The following NXN variants were observed in gnomAD, a reference collection of about 807,000 sequenced individuals.
NXN encodes nucleoredoxin 1.
A neutral mutation model predicts 48.6 loss-of-function variants in NXN; 16 were observed. The observed-to-expected ratio is 0.33, with a 90% CI of 0.22 to 0.50. The LOEUF is 0.50. Among genes scored for constraint, NXN ranks in the 20% least tolerant of loss-of-function variants. The pLI is 0.98. For synonymous variants in NXN, 281 were observed against 269.6 expected, an observed-to-expected ratio of 1.04 and a Z score of -0.41; for missense variants, 492 against 605.5, an observed-to-expected ratio of 0.81 and a Z score of 1.97.
intron 1 of NXN, among the ~76,000 whole-genome samples, chr17:965,490 C>T (rs2069291106): frequency 6.6e-6 from 1 of 152,150 alleles, no homozygotes; most frequent in South Asian, 2.1e-4. Context: ...AGCAAGCTGT[C>T]TGTGAGGGCC....
intron 1 of NXN, among the ~76,000 whole-genome samples, chr17:937,466 G>A (rs2068919888): frequency 6.6e-6 from 1 of 152,080 alleles, no homozygotes; most frequent in Non-Finnish European, 1.5e-5. Context: ...AGAACCAAAG[G>A]GGCAGCTTCA....
At chr17:836,631 C>T (rs189402541) in intron 1 of NXN, among the ~76,000 whole-genome samples, 10 of 152,314 alleles carry the variant, frequency 6.6e-5, no homozygotes, top group African/African-American at 2.2e-4. Context: ...TCTGTTCCAG[C>T]CGCTTATTAG....
chr17:882,655 C>T (rs1415664144), intron 1 of NXN, among the ~76,000 whole-genome samples: 11 of 152,054 alleles, frequency 7.2e-5, no homozygotes, highest in Non-Finnish European at 1.2e-4. Context: ...TTAGTAGAGA[C>T]AGGGTTTCAC....
At chr17:967,076 G>C (rs78063393) in intron 1 of NXN, among the ~76,000 whole-genome samples, 4,342 of 152,176 alleles carry the variant, frequency 0.029, 253 homozygotes, top group East Asian at 0.26. Flanking sequence ...CTCTCCCTCA[G>C]TAATACACCC....
At chr17:969,706 G>A (rs945088936) in intron 1 of NXN, among the ~76,000 whole-genome samples, 14 of 152,012 alleles carry the variant, frequency 9.2e-5, no homozygotes, top group African/African-American at 1.4e-4. Flanking sequence ...GAAAAGCAGC[G>A]CCTTCTGATT....
intron 1 of NXN, among the ~76,000 whole-genome samples, chr17:953,123 G>A (rs961800924): frequency 6.6e-6 from 1 of 152,128 alleles, no homozygotes; most frequent in African/African-American, 2.4e-5. Context: ...CTCCAGCTCA[G>A]GGAATGTCTG....
In NXN at chr17:849,127, C is replaced by T. The variant is rs541550413; in HGVS notation, c.361-23049G>A. ...GGGACGGCAGTCCCCACCCCACCCA[C>T]ACCCTTTGTTCCACGGCAGGCAATC... On this transcript the variant is annotated intron_variant, in intron 1 of 7. Coordinates refer to ENST00000336868, the MANE Select transcript of NXN (RefSeq NM_022463.5). The surrounding 1 kb of genome is among the most constrained non-coding windows in gnomAD (Gnocchi z 4.2). Among the ~76,000 whole-genome samples the T allele has an allele frequency of 9.2e-5, 14 of 152,320 alleles. No individual in the cohort carries two copies. The highest frequency in any genetic ancestry group is 3.1e-4 in the African/African-American group (13 of 41,584).
chr17:823,801 A>G (rs777784168), intron 2 of NXN, 36 bp from the exon 3 acceptor site: 1 of 1,612,522 alleles, frequency 6.2e-7, no homozygotes, highest in South Asian at 1.1e-5. Flanking sequence ...GAGGGCTTAG[A>G]CCCTTCTTGA....
intron 1 of NXN, among the ~76,000 whole-genome samples, chr17:853,723 A>ATATATATATATATATATTT (rs1491528474): frequency 5.7e-5 from 6 of 106,000 alleles, no homozygotes; most frequent in Admixed American, 9.9e-5. Context: ...ATATATATAT[A>ATATATATATATATATATTT]TTTTTTTTTT....
chr17:837,997 C>T (rs888018255), intron 1 of NXN, among the ~76,000 whole-genome samples: 13 of 152,230 alleles, frequency 8.5e-5, no homozygotes, highest in South Asian at 6.2e-4. Context: ...TGATATATGC[C>T]GCACACGTTC....
intron 1 of NXN, among the ~76,000 whole-genome samples, chr17:836,722 G>A (rs936916794): frequency 6.6e-6 from 1 of 152,130 alleles, no homozygotes; most frequent in Non-Finnish European, 1.5e-5. Context: ...ACACCTCACT[G>A]AACTGCTGTG....
chr17:845,458 C>G (rs1313483684), intron 1 of NXN, among the ~76,000 whole-genome samples: 2 of 151,894 alleles, frequency 1.3e-5, no homozygotes, highest in Non-Finnish European at 2.9e-5. Flanking sequence ...GACTCAACAT[C>G]AGAGAGAGAA....
At chr17:803,904 C>T in intron 6 of NXN, 98 bp from the exon 7 acceptor site, 1 of 1,515,642 alleles carries the variant, frequency 6.6e-7, no homozygotes, top group East Asian at 2.3e-5. Flanking sequence ...GCAGAAACGC[C>T]CGCCTGAGCG....
chr17:846,251 A>G (rs2067858831), intron 1 of NXN, among the ~76,000 whole-genome samples: 1 of 151,514 alleles, frequency 6.6e-6, no homozygotes, highest in African/African-American at 2.4e-5. Context: ...AGACAACCCC[A>G]TCTCTACTAA....
chr17:805,009 G>A lies in NXN; in HGVS notation c.1000+59C>T, dbSNP rs971055378. The A allele has an allele frequency of 3.4e-5, 51 of 1,512,294 alleles. No homozygotes were observed. The African/African-American group carries it at 6.1e-4, about 18-fold the overall frequency. The allele number at this position is 1,512,294 out of a possible 1,614,324, so 93.7% of individuals were successfully genotyped here. ...GCAGGGACAGGCTCCTCCCAAGTGA[G>A]GCCCCTCCTGTCCCGCCCCCCAGCC... is the stretch of plus-strand genomic sequence containing the variant. On this transcript the variant is annotated intron_variant, in intron 6 of 7. Transcript: ENST00000336868.
intron 5 of NXN, among the ~76,000 whole-genome samples, chr17:806,666 C>T (rs8072137): frequency 0.085 from 12,872 of 152,138 alleles, 673 homozygotes; most frequent in Middle Eastern, 0.15. Flanking sequence ...TTATAGATTC[C>T]CAAGGATTCG....
At chr17:979,292 G>GGGGTAACGGGCGTGGGGGGCGGGCAT in intron 1 of NXN, 27 bp downstream of exon 1, 2 of 1,461,748 alleles carry the variant, frequency 1.4e-6, no homozygotes, top group Non-Finnish European at 9.0e-7. Context: ...GGGGCGGGCA[G>GGGGTAACGGGCGTGGGGGGCGGGCAT]GGGCCGGCGA....
chr17:841,113 C>G (rs1418133689), intron 1 of NXN, among the ~76,000 whole-genome samples: 1 of 152,198 alleles, frequency 6.6e-6, no homozygotes, highest in Non-Finnish European at 1.5e-5. Context: ...TGGGGGGCAC[C>G]TCCCTGCTAG....
chr17:827,449 C>A (rs959429676), intron 1 of NXN, among the ~76,000 whole-genome samples: 7 of 152,144 alleles, frequency 4.6e-5, no homozygotes, highest in Admixed American at 1.3e-4. Flanking sequence ...GGTGAAACCC[C>A]TTCTCTACTA....
Sources: allele counts gnomAD v4.1 joint callset (sites outside exome capture counted in the v4.1 genomes callset), GRCh38; gene constraint gnomAD v4.1.1; non-coding constraint Gnocchi (gnomAD v3.1); transcripts MANE v1.5; gene names NCBI Gene and HGNC (gene_info 2026-07-23, HGNC 2026-07-21).